Variants in HTR6 observed in about 807,000 individuals in gnomAD.
HTR6 encodes the protein 5-hydroxytryptamine (serotonin) receptor 6, G protein-coupled.
HTR6 carries 15 observed loss-of-function variants against 17.4 expected under a neutral mutation model. That is an observed-to-expected ratio of 0.86 (90% CI 0.58 to 1.33). The LOEUF is 1.33. HTR6 is among the 40% of genes most tolerant of loss of function. HTR6 has a pLI of 0.00. For synonymous variants in HTR6, 326 were observed against 295.5 expected (o/e 1.10, Z -1.06); for missense variants, 578 against 616.0 (o/e 0.94, Z 0.65).
Position 19,676,947 on chromosome 1 carries a change from G to T in HTR6, c.715-1620G>T, listed in dbSNP as rs962656126. Among the ~76,000 whole-genome samples the T allele has an allele frequency of 3.3e-5, 5 of 152,358 alleles. No individual in the cohort carries two copies. In the East Asian group the frequency reaches 9.6e-4, roughly 29 times the overall value. On this transcript the variant is annotated intron_variant, in intron 1 of 2. Coordinates refer to ENST00000289753, the MANE Select transcript of HTR6 (RefSeq NM_000871.3). ...CCCTTTGCGTAGCTCATGATGAATT[G>T]TGCACACCACTGCCCACGGGCATTA...
At position 19,678,515 on chromosome 1, in the gene HTR6, G is replaced by A. The variant is rs1050484006; in HGVS notation, c.715-52G>A. The A allele has an allele frequency of 2.5e-5, 40 of 1,604,410 alleles. 1 individual carries two copies. In the Admixed American group the frequency reaches 5.5e-4, roughly 22 times the overall value. On this transcript the variant is annotated intron_variant, in intron 1 of 2. Coordinates refer to ENST00000289753, the MANE Select transcript of HTR6 (RefSeq NM_000871.3). The stretch of plus-strand genomic sequence containing the variant: ...AAGCTCAGTCTGTGGCTAGGATCAG[G>A]GTCAGACGGGGGCCCTTTCTCAACG...
chr1:19,667,557 A>C (rs1261734807), intron 1 of HTR6, among the ~76,000 whole-genome samples: 4 of 152,122 alleles, frequency 2.6e-5, no homozygotes, highest in Admixed American at 2.6e-4. Context: ...CTGGGATTAC[A>C]GGCACCCACC....
Position 19,680,467 on chromosome 1 carries a change from A to T in HTR6, c.*1099A>T, listed in dbSNP as rs1231750763. ...CCTGGGGGCAAAAGGGGCAGGTGGC[A>T]GTTTCTTTTTCAGCCTCAGAACTGG... On this transcript the variant is annotated 3_prime_UTR_variant, in exon 3 of 3. Transcript: ENST00000289753. Among the ~76,000 whole-genome samples, 1 of 152,178 alleles carries T rather than the reference A, an allele frequency of 6.6e-6. No individual in the cohort carries two copies. The highest frequency in any genetic ancestry group is 1.9e-4 in the East Asian group (1 of 5,188).
chr1:19,674,021 C>A (rs1041263283), intron 1 of HTR6, among the ~76,000 whole-genome samples: 1 of 152,028 alleles, frequency 6.6e-6, no homozygotes, highest in Non-Finnish European at 1.5e-5. Flanking sequence ...ACGCACATCA[C>A]CATGCCTGGC....
chr1:19,667,954 ACATGGGGACTTGG>A (rs140978012), intron 1 of HTR6, among the ~76,000 whole-genome samples: 4,178 of 152,292 alleles, frequency 0.027, 134 homozygotes, highest in African/African-American at 0.074. Context: ...GTCACTGGGC[ACATGGGGACTTGG>A]CAGAGGGGTG....
rs117242181 is a variant in HTR6, at chr1:19,680,905, G to A, written c.*1537G>A. ...GCCTCTGAGGGGCCATGGTGCTTGC[G>A]GGGCTTCCCCTATCCCCCAGGTCTG... On this transcript the variant is annotated 3_prime_UTR_variant, in exon 3 of 3. Transcript: ENST00000289753. 3.9e-4 allele frequency among the ~76,000 whole-genome samples: 60 copies of A among 152,264 alleles called. No individual in the cohort carries two copies. The East Asian group carries it at 0.011, about 27-fold the overall frequency.
At chr1:19,675,572 C>T (rs985220761) in intron 1 of HTR6, among the ~76,000 whole-genome samples, 9 of 152,062 alleles carry the variant, frequency 5.9e-5, no homozygotes, top group African/African-American at 2.2e-4. Flanking sequence ...TCATCTTCAC[C>T]CCATTCTCTG....
chr1:19,671,988 T>C (rs1407744559), intron 1 of HTR6, among the ~76,000 whole-genome samples: 2 of 151,526 alleles, frequency 1.3e-5, no homozygotes, highest in Non-Finnish European at 2.9e-5. Context: ...GTGTGTGTGT[T>C]GGGAGCAGGG....
chr1:19,678,829 CGTGTGTGT>C, intron 2 of HTR6, 82 bp from the exon 3 acceptor site: 1 of 1,507,000 alleles, frequency 6.6e-7, no homozygotes, highest in South Asian at 1.3e-5. Flanking sequence ...TCTCGTGGTG[CGTGTGTGT>C]GTGTGTCTGC....
intron 1 of HTR6, among the ~76,000 whole-genome samples, chr1:19,669,608 T>C (rs554551220): frequency 6.6e-6 from 1 of 152,320 alleles, no homozygotes; most frequent in African/African-American, 2.4e-5. Flanking sequence ...CTGTGCCTTC[T>C]GGTCTTCTCT....
intron 1 of HTR6, among the ~76,000 whole-genome samples, chr1:19,675,801 AG>A (rs2095093710): frequency 6.6e-6 from 1 of 151,954 alleles, no homozygotes; most frequent in Non-Finnish European, 1.5e-5. Context: ...AGGTCTTAGG[AG>A]ATTCTTTTGG....
Position 19,666,356 on chromosome 1 carries a change from G to T in HTR6, c.603G>T (p.Ser201=). 1 of 1,613,792 alleles carries T rather than the reference G, an allele frequency of 6.2e-7. No homozygotes were observed. Among genetic ancestry groups the T allele is most frequent in the Non-Finnish European group, 8.5e-7 (1 of 1,179,970 alleles). The change falls in exon 1 of 3, where the codon TCG becomes TCT. Residue 201 remains serine (S), a synonymous_variant. Coordinates refer to ENST00000289753, the MANE Select transcript of HTR6 (RefSeq NM_000871.3). This position sits in a 1 kb window ranked among gnomAD's most constrained non-coding sequence, Gnocchi z 4.5. ...CGGGCCTCACCTTCTTCCTGCCCTCGGGTGCCATATGCTTCACCTACTGCA... is the reference window on the plus strand; with the variant it reads ...CGGGCCTCACCTTCTTCCTGCCCTCTGGTGCCATATGCTTCACCTACTGCA... ...VASGLTFFLP[S]GAICFTYCRI...
At position 19,672,641 on chromosome 1, in the gene HTR6, C is replaced by T. The variant is rs140486008; in HGVS notation, c.715-5926C>T. 1.2e-3 allele frequency among the ~76,000 whole-genome samples: 181 copies of T among 152,300 alleles called. 1 individual carries two copies. Among genetic ancestry groups the T allele is most frequent in the African/African-American group, 4.3e-3 (179 of 41,568 alleles). ...GGACGATCTTGGGCAAGGCATTTTA[C>T]CTCCTTATGCTCCAGGGGTCATGAC... On this transcript the variant is annotated intron_variant, in intron 1 of 2. Transcript: ENST00000289753.
At position 19,678,911 on chromosome 1, in the gene HTR6, C is replaced by A; in HGVS notation, c.874-8C>A. ...TGGGACCAGGCATGATGCATCCCCT[C>A]CCCCCAGGCCGTGTGCGACTGCATC... On this transcript the variant is annotated splice_region_variant and splice_polypyrimidine_tract_variant and intron_variant, in intron 2 of 2. Coordinates refer to ENST00000289753, the MANE Select transcript of HTR6 (RefSeq NM_000871.3). The A allele has an allele frequency of 6.3e-7, 1 of 1,584,156 alleles. No homozygotes were observed. Among genetic ancestry groups the A allele is most frequent in the African/African-American group, 1.3e-5 (1 of 74,612 alleles).
chr1:19,678,910 T>TC lies in HTR6; in HGVS notation c.874-3dup, dbSNP rs750812034. Reference sequence around the variant, plus strand: ...CTGGGACCAGGCATGATGCATCCCCTCCCCCCAGGCCGTGTGCGACTGCAT... The same window carrying TC: ...CTGGGACCAGGCATGATGCATCCCCTCCCCCCCAGGCCGTGTGCGACTGCAT... On this transcript the variant is annotated splice_polypyrimidine_tract_variant and intron_variant, in intron 2 of 2. Transcript: ENST00000289753. 5 of 1,582,364 alleles carry TC rather than the reference T, an allele frequency of 3.2e-6. No homozygotes were observed. Among genetic ancestry groups the TC allele is most frequent in the East Asian group, 2.3e-5 (1 of 44,376 alleles).
intron 1 of HTR6, among the ~76,000 whole-genome samples, chr1:19,670,282 C>T (rs1367835251): frequency 6.6e-6 from 1 of 151,780 alleles, no homozygotes; most frequent in Non-Finnish European, 1.5e-5. Flanking sequence ...CCCCTAATCC[C>T]TCTCTCAAGA....
Position 19,679,250 on chromosome 1 carries a change from G to A in HTR6, c.1205G>A (p.Gly402Asp), listed in dbSNP as rs758404108. The change falls in exon 3 of 3, where the codon GGC becomes GAC. Residue 402 changes from glycine to aspartate, a missense_variant. By Grantham distance (94) the Gly-to-Asp change is moderately conservative (BLOSUM62 -1). Transcript: ENST00000289753. This position sits in a 1 kb window ranked among gnomAD's most constrained non-coding sequence, Gnocchi z 4.9. ...LRLTAQLLLP[G>D]EATQDPPLPT... ...CTCACGGCCCAGCTGCTGCTTCCTG[G>A]CGAGGCCACCCAGGACCCCCCGCTG... 1.3e-6 allele frequency: 2 copies of A among 1,590,234 alleles called. No homozygotes were observed. Among genetic ancestry groups the A allele is most frequent in the Non-Finnish European group, 8.5e-7 (1 of 1,170,620 alleles).
chr1:19,673,525 C>T, intron 1 of HTR6, among the ~76,000 whole-genome samples: 1 of 152,094 alleles, frequency 6.6e-6, no homozygotes, highest in East Asian at 1.9e-4. Context: ...CATGGAGAAA[C>T]CCCATCTCTA....
At chr1:19,676,600 A>G (rs1200815871) in intron 1 of HTR6, among the ~76,000 whole-genome samples, 2 of 152,150 alleles carry the variant, frequency 1.3e-5, no homozygotes, top group Non-Finnish European at 2.9e-5. Flanking sequence ...CACCATGGAC[A>G]AGACACCAAC....
Sources: gnomAD v4.1 joint callset for allele counts (sites outside exome capture counted in the v4.1 genomes callset) on GRCh38, gnomAD v4.1.1 for gene constraint, Gnocchi (gnomAD v3.1) non-coding constraint, MANE v1.5 for transcripts, NCBI Gene and HGNC (gene_info 2026-07-23, HGNC 2026-07-21) for gene names.